The following PRR33 variants were observed in gnomAD, a reference collection of about 807,000 sequenced individuals.
The protein encoded by PRR33 is proline rich 33.
In PRR33, 1 loss-of-function variant was observed where a neutral mutation model predicts 0.5. The observed-to-expected ratio is 2.18, with a 90% CI of 0.77 to 10.34. The LOEUF (loss-of-function observed/expected upper bound fraction) is 10.34. PRR33 is among the 30% of genes most tolerant of loss of function. The probability of loss-of-function intolerance (pLI) is 0.13; values close to 1 mark genes in which losing one functional copy is unlikely to be tolerated. For synonymous variants in PRR33, 226 were observed against 110.0 expected (o/e 2.06, Z -6.60); for missense variants, 552 against 251.8 (o/e 2.19, Z -8.07).
the PRR33 span, among the ~76,000 whole-genome samples, chr11:1,901,361 A>G: frequency 6.6e-6 from 1 of 152,056 alleles, no homozygotes; most frequent in African/African-American, 2.4e-5. Context: ...GATGTCTCTC[A>G]CCGTCTCAGT....
exon 1 of PRR33, chr11:1,889,649 AGGGCTGGACACTCGCTCGGCC>A: frequency 1.6e-6 from 1 of 622,874 alleles, no homozygotes; most frequent in Non-Finnish European, 2.9e-6. Flanking sequence ...AGGCCCAGGC[AGGGCTGGACACTCGCTCGGCC>A]TCAGCGGCGG....
chr11:1,889,730 G>A, exon 1 of PRR33: 1 of 657,190 alleles, frequency 1.5e-6, no homozygotes, highest in Non-Finnish European at 2.8e-6. Context: ...GGCCCATGGG[G>A]ACCAGGCTGT....
the PRR33 span, among the ~76,000 whole-genome samples, chr11:1,900,034 A>G: frequency 6.6e-6 from 1 of 150,802 alleles, no homozygotes; most frequent in Non-Finnish European, 1.5e-5. Context: ...AAATATATAT[A>G]TGTATATTAT....
chr11:1,899,541 G>A, the PRR33 span, among the ~76,000 whole-genome samples: 3 of 152,182 alleles, frequency 2.0e-5, no homozygotes, highest in African/African-American at 7.2e-5. Flanking sequence ...GAAGATACAT[G>A]AGGTTCTATA....
chr11:1,892,899 G>A (rs576745569), upstream of PRR33, among the ~76,000 whole-genome samples: 62 of 151,970 alleles, frequency 4.1e-4, no homozygotes, highest in Non-Finnish European at 7.2e-4. Context: ...TGGATGAATG[G>A]CTGGATGAGC....
the PRR33 span, among the ~76,000 whole-genome samples, chr11:1,898,598 C>T: frequency 6.6e-6 from 1 of 152,162 alleles, no homozygotes; most frequent in East Asian, 1.9e-4. Flanking sequence ...GCCTCACAAA[C>T]AGTGCCCATC....
At chr11:1,911,880 G>C in the PRR33 span, among the ~76,000 whole-genome samples, 1 of 151,726 alleles carries the variant, frequency 6.6e-6, no homozygotes, top group African/African-American at 2.4e-5. Flanking sequence ...AACCCCCGAG[G>C]CCGGGAATGG....
At chr11:1,895,758 A>G (rs1849117460), upstream of PRR33, among the ~76,000 whole-genome samples, 1 of 152,168 alleles carries the variant, frequency 6.6e-6, no homozygotes, top group East Asian at 1.9e-4. Context: ...CTTTTTGCAT[A>G]TGGAGATCCA....
chr11:1,897,939 C>G, the PRR33 span, among the ~76,000 whole-genome samples: 7 of 152,272 alleles, frequency 4.6e-5, no homozygotes, highest in South Asian at 1.2e-3. The surrounding 1 kb of genome is among the most constrained non-coding windows in gnomAD (Gnocchi z 4.0). Context: ...GGTGGGGTCC[C>G]ATGAAGCAAA....
chr11:1,905,122 C>CTTTTTTT, the PRR33 span, among the ~76,000 whole-genome samples: 1 of 96,584 alleles, frequency 1.0e-5, no homozygotes, highest in African/African-American at 4.1e-5. Context: ...CTTGAGAATT[C>CTTTTTTT]TTTTTTTTTT....
upstream of PRR33, among the ~76,000 whole-genome samples, chr11:1,896,122 GA>G (rs1304601426): frequency 3.3e-5 from 5 of 152,204 alleles, no homozygotes; most frequent in African/African-American, 4.8e-5. Context: ...GGTCTTATAT[GA>G]ATTCTTAGAA....
the PRR33 span, among the ~76,000 whole-genome samples, chr11:1,913,301 G>GTT: frequency 1.0e-5 from 1 of 98,472 alleles, no homozygotes; most frequent in African/African-American, 3.9e-5. Flanking sequence ...TAACTTTTTT[G>GTT]TTTTTTTTTT....
At chr11:1,909,823 G>A in the PRR33 span, among the ~76,000 whole-genome samples, 1 of 152,182 alleles carries the variant, frequency 6.6e-6, no homozygotes, top group East Asian at 1.9e-4. Flanking sequence ...CAACGTGATG[G>A]CTTCATCTGA....
the PRR33 span, among the ~76,000 whole-genome samples, chr11:1,912,580 A>C: frequency 6.6e-6 from 1 of 152,146 alleles, no homozygotes; most frequent in South Asian, 2.1e-4. Context: ...ACTATTTATT[A>C]GTTTTTTCAC....
chr11:1,896,758 G>A (rs1341619936), upstream of PRR33, among the ~76,000 whole-genome samples: 1 of 152,212 alleles, frequency 6.6e-6, no homozygotes. Flanking sequence ...GCCATCGGTT[G>A]TGGGGTTTTC....
exon 1 of PRR33, chr11:1,891,188 T>C (rs1393194917): frequency 6.5e-6 from 1 of 153,702 alleles, no homozygotes; most frequent in African/African-American, 2.4e-5. Flanking sequence ...CGCTGAGCTA[T>C]GCTAAATGGG....
the PRR33 span, among the ~76,000 whole-genome samples, chr11:1,910,998 T>G: frequency 6.6e-6 from 1 of 152,216 alleles, no homozygotes; most frequent in Non-Finnish European, 1.5e-5. Context: ...TACAAACATC[T>G]CCTCCCAAAA....
exon 1 of PRR33, chr11:1,890,274 G>T (rs902777187): frequency 1.4e-6 from 1 of 713,270 alleles, no homozygotes; most frequent in Non-Finnish European, 2.6e-6. Context: ...CATGCGGGGA[G>T]CCTCGGCGGG....
chr11:1,901,738 A>C, the PRR33 span, among the ~76,000 whole-genome samples: 2 of 152,182 alleles, frequency 1.3e-5, no homozygotes, highest in Non-Finnish European at 1.5e-5. Context: ...CCCAGTGAAG[A>C]CAACATGGCC....
Sources: gnomAD v4.1 joint callset for allele counts (sites outside exome capture counted in the v4.1 genomes callset) on GRCh38, gnomAD v4.1.1 for gene constraint, Gnocchi (gnomAD v3.1) non-coding constraint, MANE v1.5 for transcripts, NCBI Gene and HGNC (gene_info 2026-07-23, HGNC 2026-07-21) for gene names.